TTC3: variants seen among roughly 807,000 people sequenced by gnomAD.
TTC3 encodes the protein E3 ubiquitin-protein ligase TTC3.
In TTC3, 180 loss-of-function variants were observed where a neutral mutation model predicts 249.6. The ratio of observed to expected loss-of-function variants is 0.72; its 90% CI spans 0.64 to 0.82. The LOEUF is 0.82. Among genes scored for constraint, TTC3 ranks in the 40% least tolerant of loss-of-function variants. TTC3 has a pLI of 0.00. For synonymous variants in TTC3, 717 were observed against 805.0 expected (o/e 0.89, Z 1.85); for missense variants, 2,061 against 2,398.4 (o/e 0.86, Z 2.94).
chr21:37,156,902 A>C, exon 28 of TTC3: 1 of 1,613,402 alleles, frequency 6.2e-7, no homozygotes, highest in African/African-American at 1.3e-5. Flanking sequence ...TCTTTGATAT[A>C]ATGGGTATGT....
At position 37,153,426 on chromosome 21, in the gene TTC3, G is replaced by A. The variant is rs950868034; in HGVS notation, c.2740+149G>A. On this transcript the variant is annotated intron_variant, in intron 27 of 45. Coordinates refer to ENST00000355666, the Ensembl canonical transcript of TTC3. ...GGTTAAGAATACTTTTCCAGTCCCA[G>A]CTACTTGGGAGGCGGAGGCAGGATG... is the stretch of plus-strand genomic sequence containing the variant. 5.1e-6 allele frequency: 4 copies of A among 786,532 alleles called. No homozygotes were observed. The African/African-American group carries it at 5.3e-5, about 10-fold the overall frequency. 48.7% of individuals were successfully genotyped at this position (786,532 alleles called of 1,614,324 possible).
intron 10 of TTC3, among the ~76,000 whole-genome samples, chr21:37,104,175 T>C (rs907048312): frequency 6.6e-6 from 1 of 152,208 alleles, no homozygotes; most frequent in Non-Finnish European, 1.5e-5. Flanking sequence ...GGAACTGTTC[T>C]GACGTTTCTG....
intron 28 of TTC3, chr21:37,158,274 T>G: frequency 1.1e-6 from 1 of 918,000 alleles, no homozygotes; most frequent in Non-Finnish European, 1.3e-6. Context: ...ACAAGACAAC[T>G]AAAAAGGACA....
chr21:37,129,853 C>G (rs1165486703), intron 16 of TTC3, among the ~76,000 whole-genome samples: 1 of 152,158 alleles, frequency 6.6e-6, no homozygotes, highest in Non-Finnish European at 1.5e-5. Flanking sequence ...CTCTGTTGCC[C>G]AGGCTGGTCT....
In TTC3 at chr21:37,108,270, T is replaced by A. The variant is rs76091248; in HGVS notation, c.846-122T>A. The A allele has an allele frequency of 4.1e-3, 2,984 of 734,112 alleles. 11 individuals are homozygous for A. The highest frequency in any genetic ancestry group is 5.4e-3 in the Non-Finnish European group (2,596 of 482,082). 45.5% of individuals were successfully genotyped at this position (734,112 alleles called of 1,614,324 possible). On this transcript the variant is annotated intron_variant, in intron 10 of 45. Transcript: ENST00000355666. ...GGACATATATTATATGGATTTTTTT[T>A]AATTAAAATTATCTTTTGACTAGAT...
intron 35 of TTC3, among the ~76,000 whole-genome samples, chr21:37,178,378 G>A (rs184177865): frequency 9.1e-4 from 139 of 152,232 alleles, no homozygotes; most frequent in African/African-American, 3.0e-3. Flanking sequence ...ACATTTAAGC[G>A]TATGAGGAAC....
intron 13 of TTC3, 99 bp downstream of exon 13, chr21:37,123,127 A>G: frequency 1.6e-6 from 2 of 1,254,882 alleles, no homozygotes; most frequent in Non-Finnish European, 2.3e-6. Flanking sequence ...GCTAATAGCA[A>G]CCACAGTAAA....
At chr21:37,195,780 A>G (rs774369184) in exon 42 of TTC3, 21 of 1,614,058 alleles carry the variant, frequency 1.3e-5, no homozygotes, top group Admixed American at 6.7e-5. Flanking sequence ...CAGGGATCCT[A>G]GTGTGTTCTC....
At chr21:37,153,000 A>C in exon 27 of TTC3, 1 of 1,612,630 alleles carries the variant, frequency 6.2e-7, no homozygotes, top group Non-Finnish European at 8.5e-7. Context: ...ACAGAATTCT[A>C]CAGTGTATAA....
At chr21:37,102,315 A>C (rs974776906) in intron 10 of TTC3, among the ~76,000 whole-genome samples, 3 of 152,220 alleles carry the variant, frequency 2.0e-5, no homozygotes, top group Non-Finnish European at 4.4e-5. Flanking sequence ...CATATCCTGA[A>C]AATAATTATA....
At chr21:37,163,982 T>C (rs541724415) in intron 31 of TTC3, 69 bp from the exon 32 acceptor site, 1 of 1,501,504 alleles carries the variant, frequency 6.7e-7, no homozygotes, top group Admixed American at 2.1e-5. Flanking sequence ...TTAGACATTC[T>C]TCTGGTTAAA....
At chr21:37,073,872 G>C (rs2070408034) in intron 1 of TTC3, among the ~76,000 whole-genome samples, 1 of 152,214 alleles carries the variant, frequency 6.6e-6, no homozygotes, top group Non-Finnish European at 1.5e-5. Flanking sequence ...GCGCGTGGCC[G>C]CGCCTTCTGC....
At chr21:37,196,084 G>A (rs769471883) in intron 42 of TTC3, 48 bp downstream of exon 42, 14 of 1,591,366 alleles carry the variant, frequency 8.8e-6, no homozygotes, top group Non-Finnish European at 6.8e-6. Context: ...TTATCGAACT[G>A]AGGTTTCCTG....
intron 10 of TTC3, among the ~76,000 whole-genome samples, chr21:37,100,621 C>A (rs1455198033): frequency 6.6e-6 from 1 of 152,158 alleles, no homozygotes; most frequent in Admixed American, 6.5e-5. Context: ...TTTCAAAACC[C>A]CCCTGGGCCT....
At position 37,184,155 on chromosome 21, in the gene TTC3, T is replaced by C. The variant is rs80018197; in HGVS notation, c.4757+1242T>C. Among the ~76,000 whole-genome samples the C allele has an allele frequency of 8.5e-3, 1,302 of 152,318 alleles. 70 individuals are homozygous for C. The East Asian group carries it at 0.17, about 20-fold the overall frequency. ...TAGAACACACTTACGGAAACAATAA[T>C]GTCTGTAAAGCTTTTTACCTCTAAT... is the stretch of plus-strand genomic sequence containing the variant. On this transcript the variant is annotated intron_variant, in intron 36 of 45. Transcript: ENST00000355666.
intron 35 of TTC3, among the ~76,000 whole-genome samples, chr21:37,176,679 T>TA (rs997373601): frequency 2.6e-5 from 4 of 152,212 alleles, no homozygotes; most frequent in Admixed American, 1.3e-4. Context: ...TTTACATGTA[T>TA]TTAATCTCAA....
At chr21:37,184,842 A>G (rs556866256) in intron 36 of TTC3, among the ~76,000 whole-genome samples, 1 of 152,240 alleles carries the variant, frequency 6.6e-6, no homozygotes, top group East Asian at 1.9e-4. Context: ...AAATCTTTAA[A>G]CTTTTTGGAT....
intron 8 of TTC3, among the ~76,000 whole-genome samples, chr21:37,094,804 G>T (rs1479337527): frequency 1.3e-5 from 2 of 152,110 alleles, no homozygotes; most frequent in Non-Finnish European, 1.5e-5. Flanking sequence ...CTCTAACAAA[G>T]TTAGTGTTGA....
chr21:37,142,031 G>C (rs1311819445), intron 20 of TTC3, among the ~76,000 whole-genome samples: 1 of 152,118 alleles, frequency 6.6e-6, no homozygotes, highest in Non-Finnish European at 1.5e-5. Flanking sequence ...TGCAGAGAAG[G>C]CCTTTGACAA....
Sources: gnomAD v4.1 joint callset for allele counts (sites outside exome capture counted in the v4.1 genomes callset) on GRCh38, gnomAD v4.1.1 for gene constraint, MANE v1.5 for transcripts, NCBI Gene and HGNC (gene_info 2026-07-23, HGNC 2026-07-21) for gene names.